Variants in EYS observed in about 807,000 individuals in gnomAD.
EYS encodes EGF-like photoreceptor maintenance factor.
EYS carries 250 observed loss-of-function variants against 282.1 expected under a neutral mutation model. The ratio of observed to expected loss-of-function variants is 0.89; its 90% CI spans 0.80 to 0.98. The LOEUF is 0.98. EYS is among the 50% of genes least tolerant of loss of function. The probability of loss-of-function intolerance (pLI) is 0.00; values close to 1 mark genes in which losing one functional copy is unlikely to be tolerated. For missense variants in EYS, 4,016 were observed against 3,709.0 expected, an observed-to-expected ratio of 1.08 and a Z score of -2.15; for synonymous variants, 1,355 against 1,282.9, an observed-to-expected ratio of 1.06 and a Z score of -1.20.
chr6:64,456,732 A>C (rs762989619), intron 26 of EYS, among the ~76,000 whole-genome samples: 6 of 152,042 alleles, frequency 3.9e-5, no homozygotes, highest in Non-Finnish European at 8.8e-5. Context: ...TCTGAAGCAC[A>C]TGGCATTACC....
At chr6:64,884,165 T>C (rs1261263635) in intron 19 of EYS, among the ~76,000 whole-genome samples, 2 of 151,586 alleles carry the variant, frequency 1.3e-5, no homozygotes, top group Non-Finnish European at 3.0e-5. Context: ...AAAATTTATA[T>C]CCTTAATAAC....
intron 28 of EYS, among the ~76,000 whole-genome samples, chr6:64,392,134 G>T (rs1455711565): frequency 2.0e-5 from 3 of 149,088 alleles, no homozygotes; most frequent in South Asian, 2.1e-4. Flanking sequence ...AGCAAGTCCT[G>T]AGTGACCTAC....
At chr6:64,485,316 T>C (rs1776549206) in intron 26 of EYS, among the ~76,000 whole-genome samples, 1 of 151,606 alleles carries the variant, frequency 6.6e-6, no homozygotes, top group Non-Finnish European at 1.5e-5. Flanking sequence ...CTCTAAGCCA[T>C]TAGGAGGCCA....
chr6:64,618,045 A>G (rs74329342), intron 23 of EYS, among the ~76,000 whole-genome samples: 37 of 152,268 alleles, frequency 2.4e-4, no homozygotes, highest in African/African-American at 8.9e-4. Flanking sequence ...CTGTGATTCT[A>G]TAGAATATAA....
chr6:63,734,577 G>A (rs544606018), intron 41 of EYS, among the ~76,000 whole-genome samples: 1 of 152,224 alleles, frequency 6.6e-6, no homozygotes, highest in East Asian at 1.9e-4. Context: ...AGTGGAGGTA[G>A]TGAAAAGTCA....
intron 1 of EYS, among the ~76,000 whole-genome samples, chr6:65,658,058 T>G (rs774181024): frequency 2.6e-5 from 4 of 151,858 alleles, no homozygotes; most frequent in Non-Finnish European, 4.4e-5. Context: ...ATAATGTTAT[T>G]GCACACTTAA....
In EYS at chr6:64,916,316, A is replaced by G. The variant is rs182096743; in HGVS notation, c.2382-3573T>C. ...CTGAAGGTTTGTTTTATCTTCTCAC[A>G]TAACAGGTGGCCTAAGACCTCATGT... On this transcript the variant is annotated intron_variant, in intron 15 of 42. Transcript: ENST00000503581. Among the ~76,000 whole-genome samples, 303 of 152,330 alleles carry G rather than the reference A, an allele frequency of 2.0e-3. 1 individual carries two copies. Among genetic ancestry groups the G allele is most frequent in the African/African-American group, 7.1e-3 (297 of 41,562 alleles).
At chr6:64,155,458 C>G (rs546060967) in intron 31 of EYS, among the ~76,000 whole-genome samples, 3 of 151,894 alleles carry the variant, frequency 2.0e-5, no homozygotes, top group Non-Finnish European at 2.9e-5. Flanking sequence ...TTTTCAGCAC[C>G]AGGCTCTGTG....
At chr6:64,062,916 A>G (rs1334880421) in intron 33 of EYS, among the ~76,000 whole-genome samples, 1 of 151,968 alleles carries the variant, frequency 6.6e-6, no homozygotes, top group Non-Finnish European at 1.5e-5. Context: ...TTTTTCTCTA[A>G]TCGGGCTTCT....
intron 29 of EYS, among the ~76,000 whole-genome samples, chr6:64,345,870 C>A (rs1156328416): frequency 1.3e-5 from 2 of 151,960 alleles, no homozygotes; most frequent in East Asian, 1.9e-4. Context: ...AAATAAAAAA[C>A]CCTATCAAAA....
At chr6:65,234,442 C>T (rs887362005) in intron 12 of EYS, among the ~76,000 whole-genome samples, 1 of 152,148 alleles carries the variant, frequency 6.6e-6, no homozygotes, top group Non-Finnish European at 1.5e-5. Flanking sequence ...TCTTCTCTAC[C>T]AGTGAGGGCT....
intron 30 of EYS, among the ~76,000 whole-genome samples, chr6:64,236,328 T>C (rs1408350649): frequency 6.6e-6 from 1 of 152,196 alleles, no homozygotes; most frequent in Non-Finnish European, 1.5e-5. Flanking sequence ...TATCTATTCA[T>C]TAGTTGAAAG....
intron 29 of EYS, among the ~76,000 whole-genome samples, chr6:64,384,435 T>G (rs1582679961): frequency 6.6e-6 from 1 of 152,312 alleles, no homozygotes. Flanking sequence ...CCTAGTGACT[T>G]ACTTACATCT....
intron 22 of EYS, among the ~76,000 whole-genome samples, chr6:64,718,971 T>C (rs1171747619): frequency 1.3e-5 from 2 of 152,192 alleles, no homozygotes; most frequent in Non-Finnish European, 2.9e-5. Context: ...ATGACCCAGG[T>C]AGGCCCAGTC....
At position 64,197,785 on chromosome 6, in the gene EYS, A is replaced by G. The variant is rs192445112; in HGVS notation, c.6424+32807T>C. Among the ~76,000 whole-genome samples, 4 of 149,248 alleles carry G rather than the reference A, an allele frequency of 2.7e-5. No homozygotes were observed. In the East Asian group the frequency reaches 5.9e-4, roughly 22 times the overall value. Reference sequence around the variant, plus strand: ...TTTAGGATTGATTTTTTTTTTTGCCATATTTACCAGGTATTTCTTTACACC... The same window carrying G: ...TTTAGGATTGATTTTTTTTTTTGCCGTATTTACCAGGTATTTCTTTACACC... On this transcript the variant is annotated intron_variant, in intron 31 of 42. Transcript: ENST00000503581.
At chr6:65,547,433 C>T (rs1426240820) in intron 2 of EYS, among the ~76,000 whole-genome samples, 6 of 151,782 alleles carry the variant, frequency 4.0e-5, no homozygotes, top group African/African-American at 1.5e-4. Flanking sequence ...AATAATATTA[C>T]AGTAATGAAT....
chr6:65,456,784 T>A (rs1764634810), intron 5 of EYS, among the ~76,000 whole-genome samples: 1 of 152,080 alleles, frequency 6.6e-6, no homozygotes, highest in Non-Finnish European at 1.5e-5. Context: ...ACCATTTCTA[T>A]TCAGCATAGT....
At chr6:65,309,065 G>A (rs1184227031) in intron 11 of EYS, among the ~76,000 whole-genome samples, 3 of 151,980 alleles carry the variant, frequency 2.0e-5, no homozygotes, top group Non-Finnish European at 2.9e-5. Flanking sequence ...AAACCTATAG[G>A]GTTAAAAAAA....
At chr6:64,280,687 G>A (rs1042426509) in intron 30 of EYS, among the ~76,000 whole-genome samples, 2 of 152,098 alleles carry the variant, frequency 1.3e-5, no homozygotes, top group Admixed American at 1.3e-4. Context: ...AATGGAGCCT[G>A]TGAACTTTAA....
Sources: gnomAD v4.1 joint callset for allele counts (sites outside exome capture counted in the v4.1 genomes callset) on GRCh38, gnomAD v4.1.1 for gene constraint, MANE v1.5 for transcripts, NCBI Gene and HGNC (gene_info 2026-07-23, HGNC 2026-07-21) for gene names.